CCND3: variants seen among roughly 807,000 people sequenced by gnomAD.
CCND3 encodes G1/S-specific cyclin-D3.
Under a neutral mutation model 28.7 loss-of-function variants are expected in CCND3, and 9 were observed. The observed-to-expected ratio is 0.31, with a 90% CI of 0.19 to 0.55. The LOEUF (loss-of-function observed/expected upper bound fraction) is 0.55. Ranked by LOEUF, CCND3 falls within the 20% of genes least tolerant of loss-of-function variation. The pLI, the probability that CCND3 is intolerant of heterozygous loss-of-function variation, is 0.93. For synonymous variants in CCND3, 164 were observed against 163.9 expected, an observed-to-expected ratio of 1.00 and a Z score of 0.00; for missense variants, 315 against 385.8, an observed-to-expected ratio of 0.82 and a Z score of 1.54.
intron 1 of CCND3, among the ~76,000 whole-genome samples, chr6:42,028,282 C>G (rs1416933715): frequency 2.0e-5 from 3 of 152,098 alleles, no homozygotes; most frequent in Non-Finnish European, 4.4e-5. Context: ...GGAGAGGAAA[C>G]TGTGGCCATA....
chr6:42,003,150 G>A (rs561634649), intron 1 of CCND3, among the ~76,000 whole-genome samples: 3 of 99,842 alleles, frequency 3.0e-5, no homozygotes, highest in Admixed American at 1.4e-4. Flanking sequence ...CAACAAGAGC[G>A]AAACAGCGTG....
At chr6:41,943,040 T>G (rs1385660084), upstream of CCND3, among the ~76,000 whole-genome samples, 5 of 152,018 alleles carry the variant, frequency 3.3e-5, no homozygotes, top group Non-Finnish European at 7.4e-5. Context: ...ATTTTTGTAT[T>G]TTTCGTAGAG....
rs951868839 is a variant in CCND3 at position 41,957,909 on chromosome 6, T to C, written c.-45-17324A>G. Among the ~76,000 whole-genome samples, 4 of 152,170 alleles carry C rather than the reference T, an allele frequency of 2.6e-5. No homozygotes were observed. The East Asian group carries it at 7.7e-4, about 29-fold the overall frequency. On this transcript the variant is annotated intron_variant, in intron 1 of 4. Transcript: ENST00000372988. The stretch of plus-strand genomic sequence containing the variant: ...TATGTTGTCCAAGCTGGTCTCGAAC[T>C]CCTGGCCTCAAGCAATCCTCCTACC...
chr6:41,991,100 C>T (rs1762633988), intron 1 of CCND3, among the ~76,000 whole-genome samples: 1 of 151,728 alleles, frequency 6.6e-6, no homozygotes. Flanking sequence ...CTCTTGTTGC[C>T]CAGACTGGAG....
At position 41,938,668 on chromosome 6, in the gene CCND3, G is replaced by A. The variant is rs1350431836; in HGVS notation, c.415-1274C>T. 6.6e-6 allele frequency among the ~76,000 whole-genome samples: 1 copy of A among 152,232 alleles called. No homozygotes were observed. Among genetic ancestry groups the A allele is most frequent in the Non-Finnish European group, 1.5e-5 (1 of 68,046 alleles). ...ATCCAGGCAACCAGAGAATCCCAGT[G>A]TTAACTGGTGGAGAACACACCCCTG... On this transcript the variant is annotated intron_variant, in intron 2 of 4. Transcript: ENST00000372991. The surrounding 1 kb of genome is among the most constrained non-coding windows in gnomAD (Gnocchi z 4.6).
chr6:42,038,340 AC>A (rs1233230376), intron 1 of CCND3, among the ~76,000 whole-genome samples: 1 of 152,024 alleles, frequency 6.6e-6, no homozygotes, highest in Non-Finnish European at 1.5e-5. Flanking sequence ...GGAGTTCAAG[AC>A]CAGCCTGCGC....
At chr6:41,996,573 CT>C (rs1323394532) in intron 1 of CCND3, among the ~76,000 whole-genome samples, 1 of 152,084 alleles carries the variant, frequency 6.6e-6, no homozygotes, top group Non-Finnish European at 1.5e-5. Flanking sequence ...TACAGTCTCA[CT>C]TATGTCTCTT....
Position 41,939,905 on chromosome 6 carries a change from A to G in CCND3, c.414+465T>C, listed in dbSNP as rs1374239812. Reference sequence around the variant, plus strand: ...TTAATTGGCTCTGGGAGGCTTTTCTATCACAAAGTCCACATGAGGATAAAG... The same window carrying G: ...TTAATTGGCTCTGGGAGGCTTTTCTGTCACAAAGTCCACATGAGGATAAAG... On this transcript the variant is annotated intron_variant, in intron 2 of 4. Coordinates refer to ENST00000372991, the MANE Select transcript of CCND3 (RefSeq NM_001760.5). This position sits in a 1 kb window ranked among gnomAD's most constrained non-coding sequence, Gnocchi z 4.2. Among the ~76,000 whole-genome samples the G allele has an allele frequency of 1.6e-4, 25 of 152,138 alleles. No individual in the cohort carries two copies. The highest frequency in any genetic ancestry group is 3.2e-4 in the Non-Finnish European group (22 of 68,012).
chr6:42,032,409 A>T (rs1643991674), intron 1 of CCND3, among the ~76,000 whole-genome samples: 1 of 152,196 alleles, frequency 6.6e-6, no homozygotes, highest in South Asian at 2.1e-4. Flanking sequence ...TTCTGCACTT[A>T]GAATTATTTA....
rs765263680 is a variant in CCND3 at position 41,939,065 on chromosome 6, A to G, written c.414+1305T>C. ...TTCCAGCCCCAACCCCTCCAAAAAC[A>G]TCTTGCTCTCTGGCCCTGGAAACTA... On this transcript the variant is annotated intron_variant, in intron 2 of 4. Transcript: ENST00000372991. This position sits in a 1 kb window ranked among gnomAD's most constrained non-coding sequence, Gnocchi z 4.2. Among the ~76,000 whole-genome samples the G allele has an allele frequency of 6.6e-5, 10 of 152,132 alleles. No individual in the cohort carries two copies. Among genetic ancestry groups the G allele is most frequent in the African/African-American group, 2.4e-5 (1 of 41,422 alleles).
intron 1 of CCND3, among the ~76,000 whole-genome samples, chr6:42,018,033 C>T (rs1273876781): frequency 2.0e-5 from 3 of 151,812 alleles, no homozygotes; most frequent in African/African-American, 4.8e-5. Context: ...CCTGTAGTCC[C>T]AGCTACTCAG....
intron 1 of CCND3, among the ~76,000 whole-genome samples, chr6:42,024,783 G>T (rs1295788002): frequency 1.3e-5 from 2 of 152,154 alleles, no homozygotes; most frequent in African/African-American, 4.8e-5. Flanking sequence ...AAGGGGCCGG[G>T]CGCAGTGGCT....
chr6:41,944,251 C>T (rs9462755), upstream of CCND3, among the ~76,000 whole-genome samples: 13,159 of 152,106 alleles, frequency 0.087, 749 homozygotes, highest in Non-Finnish European at 0.12. Flanking sequence ...GCAGGAGGAT[C>T]GCTTGAGCCC....
intron 1 of CCND3, among the ~76,000 whole-genome samples, chr6:42,025,212 C>T (rs189475080): frequency 5.2e-4 from 79 of 152,326 alleles, no homozygotes; most frequent in Non-Finnish European, 7.9e-4. Flanking sequence ...AACAGGGAGC[C>T]TGACAGCTCT....
At position 41,938,534 on chromosome 6, in the gene CCND3, A is replaced by G. The variant is rs1775883609; in HGVS notation, c.415-1140T>C. Reference sequence around the variant, plus strand: ...GCCAACTCCTAACTCAGCAGTAAACAGAAGGGACTCAGCTTCTAAGGAAGC... The same window carrying G: ...GCCAACTCCTAACTCAGCAGTAAACGGAAGGGACTCAGCTTCTAAGGAAGC... On this transcript the variant is annotated intron_variant, in intron 2 of 4. Transcript: ENST00000372991. This position sits in a 1 kb window ranked among gnomAD's most constrained non-coding sequence, Gnocchi z 4.6. Among the ~76,000 whole-genome samples the G allele has an allele frequency of 6.6e-6, 1 of 152,180 alleles. No individual in the cohort carries two copies. The highest frequency in any genetic ancestry group is 2.4e-5 in the African/African-American group (1 of 41,434).
intron 1 of CCND3, among the ~76,000 whole-genome samples, chr6:42,000,362 C>G (rs1762963749): frequency 6.8e-6 from 1 of 146,284 alleles, no homozygotes; most frequent in Admixed American, 7.0e-5. Flanking sequence ...GCCTCAGCCT[C>G]TCCGAGTAGC....
Position 41,941,068 on chromosome 6 carries a change from A to C in CCND3, c.198+384T>G. 1 of 1,576,014 alleles carries C rather than the reference A, an allele frequency of 6.3e-7. No homozygotes were observed. The highest frequency in any genetic ancestry group is 8.6e-7 in the Non-Finnish European group (1 of 1,159,564). On this transcript the variant is annotated intron_variant, in intron 1 of 4. Coordinates refer to ENST00000372991, the MANE Select transcript of CCND3 (RefSeq NM_001760.5). The surrounding 1 kb of genome is among the most constrained non-coding windows in gnomAD (Gnocchi z 6.1). ...TCCCCGCCAGAACCCCGCGAAAGAC[A>C]CAGGAACCGGCTCCCGGGCGGGGGC...
At chr6:41,969,895 C>T (rs1761987818) in intron 1 of CCND3, among the ~76,000 whole-genome samples, 1 of 152,008 alleles carries the variant, frequency 6.6e-6, no homozygotes. Flanking sequence ...CTCCCTGAAC[C>T]TCAGTTGTTT....
At chr6:41,990,792 T>G (rs1195997057) in intron 1 of CCND3, among the ~76,000 whole-genome samples, 1 of 150,504 alleles carries the variant, frequency 6.6e-6, no homozygotes, top group Non-Finnish European at 1.5e-5. Context: ...GTGATTATCC[T>G]GCCTCAGCCT....
Sources: allele counts gnomAD v4.1 joint callset (sites outside exome capture counted in the v4.1 genomes callset), GRCh38; gene constraint gnomAD v4.1.1; non-coding constraint Gnocchi (gnomAD v3.1); transcripts MANE v1.5; gene names NCBI Gene and HGNC (gene_info 2026-07-23, HGNC 2026-07-21).